The following STXBP5L variants were observed in gnomAD, a reference collection of about 807,000 sequenced individuals.
The protein encoded by STXBP5L is syntaxin binding protein 5L.
Under a neutral mutation model 144.5 loss-of-function variants are expected in STXBP5L, and 65 were observed. The ratio of observed to expected loss-of-function variants is 0.45; its 90% CI spans 0.37 to 0.55. STXBP5L has a LOEUF of 0.55. Among genes scored for constraint, STXBP5L ranks in the 20% least tolerant of loss-of-function variants. STXBP5L has a pLI of 0.00. For synonymous variants in STXBP5L, 505 were observed against 469.6 expected (o/e 1.08, Z -0.97); for missense variants, 1,298 against 1,405.5 (o/e 0.92, Z 1.22).
chr3:121,184,920 TAAAG>T (rs964126198), intron 9 of STXBP5L, among the ~76,000 whole-genome samples: 12 of 152,102 alleles, frequency 7.9e-5, no homozygotes, highest in African/African-American at 2.9e-4. Context: ...TCAACATTCT[TAAAG>T]AAAAGAATTT....
chr3:121,196,131 G>C (rs1035230496), intron 9 of STXBP5L, among the ~76,000 whole-genome samples: 1 of 150,738 alleles, frequency 6.6e-6, no homozygotes, highest in African/African-American at 2.4e-5. Context: ...CTATAGATCA[G>C]TTTGGATAGC....
intron 11 of STXBP5L, among the ~76,000 whole-genome samples, chr3:121,225,502 C>T (rs1391046101): frequency 6.6e-6 from 1 of 151,952 alleles, no homozygotes; most frequent in African/African-American, 2.4e-5. Context: ...TTCCCAGGAG[C>T]TGTACGGAGG....
chr3:120,979,404 C>T (rs572446936), intron 3 of STXBP5L, among the ~76,000 whole-genome samples: 51 of 152,326 alleles, frequency 3.3e-4, no homozygotes, highest in East Asian at 5.8e-4. Context: ...GTCGGAAAAG[C>T]GCAGTATTAG....
intron 11 of STXBP5L, among the ~76,000 whole-genome samples, chr3:121,230,660 G>A (rs1271596818): frequency 6.6e-6 from 1 of 151,922 alleles, no homozygotes; most frequent in Admixed American, 6.6e-5. Flanking sequence ...AAGCCAATTT[G>A]GTACCATAGA....
At chr3:121,403,674 T>C (rs2046934901) in intron 22 of STXBP5L, among the ~76,000 whole-genome samples, 1 of 152,172 alleles carries the variant, frequency 6.6e-6, no homozygotes, top group Non-Finnish European at 1.5e-5. Flanking sequence ...TAAGTAATTA[T>C]ATGGGATATT....
At chr3:121,144,690 T>C (rs2045648358) in intron 7 of STXBP5L, among the ~76,000 whole-genome samples, 1 of 151,992 alleles carries the variant, frequency 6.6e-6, no homozygotes, top group Non-Finnish European at 1.5e-5. Context: ...ATAGCCAATA[T>C]GTGGAAATGG....
At chr3:121,313,552 G>A (rs1250026973) in intron 19 of STXBP5L, among the ~76,000 whole-genome samples, 2 of 58,488 alleles carry the variant, frequency 3.4e-5, no homozygotes, top group Non-Finnish European at 6.6e-5. Context: ...CGGGGCGGCC[G>A]GCCGGGCGGG....
chr3:121,104,333 T>C (rs577262898), intron 5 of STXBP5L, among the ~76,000 whole-genome samples: 37 of 152,254 alleles, frequency 2.4e-4, no homozygotes, highest in South Asian at 8.3e-4. Context: ...AAAAATAATC[T>C]ACAGATTCAA....
intron 3 of STXBP5L, among the ~76,000 whole-genome samples, chr3:120,982,177 C>A (rs1941842647): frequency 6.6e-6 from 1 of 152,112 alleles, no homozygotes; most frequent in African/African-American, 2.4e-5. Context: ...GTGGCTGTGG[C>A]AGAAGCAGAT....
chr3:121,370,220 T>G (rs1394442092), intron 20 of STXBP5L, among the ~76,000 whole-genome samples: 1 of 151,944 alleles, frequency 6.6e-6, no homozygotes, highest in Admixed American at 6.6e-5. Flanking sequence ...CAAAAAAAAT[T>G]AGCCAGGCAT....
intron 5 of STXBP5L, among the ~76,000 whole-genome samples, chr3:121,062,729 T>G (rs1216803245): frequency 6.6e-6 from 1 of 152,248 alleles, no homozygotes; most frequent in African/African-American, 2.4e-5. Flanking sequence ...TTTTCTAATC[T>G]TGTCTTCGTG....
chr3:121,410,754 T>G (rs2108747601), intron 23 of STXBP5L, among the ~76,000 whole-genome samples: 1 of 152,196 alleles, frequency 6.6e-6, no homozygotes, highest in South Asian at 2.1e-4. Flanking sequence ...GATCCACCTT[T>G]AGTTACCCGA....
At chr3:121,036,580 T>G (rs1329149057) in intron 3 of STXBP5L, among the ~76,000 whole-genome samples, 1 of 152,152 alleles carries the variant, frequency 6.6e-6, no homozygotes, top group African/African-American at 2.4e-5. Context: ...TAGAAAGTAT[T>G]GTTCCTCTTG....
intron 11 of STXBP5L, among the ~76,000 whole-genome samples, chr3:121,227,902 C>G (rs568528601): frequency 6.6e-6 from 1 of 152,010 alleles, no homozygotes; most frequent in Non-Finnish European, 1.5e-5. Flanking sequence ...GTATTATTTA[C>G]CAAATAAACC....
chr3:121,091,623 G>T (rs75011862), intron 5 of STXBP5L, among the ~76,000 whole-genome samples: 2 of 151,304 alleles, frequency 1.3e-5, no homozygotes, highest in African/African-American at 4.8e-5. Context: ...TTTTGATGGG[G>T]TTGTTTTTTT....
chr3:121,319,480 CTAGTTA>C (rs1365141179), intron 20 of STXBP5L, among the ~76,000 whole-genome samples: 1 of 152,020 alleles, frequency 6.6e-6, no homozygotes, highest in African/African-American at 2.4e-5. Flanking sequence ...TATGTATAAT[CTAGTTA>C]TATCCTATGT....
chr3:121,001,092 T>C (rs1320452646), intron 3 of STXBP5L, among the ~76,000 whole-genome samples: 1 of 152,206 alleles, frequency 6.6e-6, no homozygotes, highest in Non-Finnish European at 1.5e-5. Flanking sequence ...GATGGCAACA[T>C]GATCCATGCC....
At chr3:121,350,763 G>T (rs928126192) in intron 20 of STXBP5L, among the ~76,000 whole-genome samples, 4 of 152,066 alleles carry the variant, frequency 2.6e-5, no homozygotes, top group Admixed American at 6.6e-5. Flanking sequence ...AGCTACTGAG[G>T]CTTGTGCATT....
At chr3:121,138,737 T>A (rs2045367000) in intron 7 of STXBP5L, among the ~76,000 whole-genome samples, 1 of 152,024 alleles carries the variant, frequency 6.6e-6, no homozygotes, top group Non-Finnish European at 1.5e-5. Context: ...CACTCTTTTC[T>A]CACTATATTA....
Sources: gnomAD v4.1 joint callset for allele counts (sites outside exome capture counted in the v4.1 genomes callset) on GRCh38, gnomAD v4.1.1 for gene constraint, MANE v1.5 for transcripts, NCBI Gene and HGNC (gene_info 2026-07-23, HGNC 2026-07-21) for gene names.